The following ZNF154 variants were observed in gnomAD, a reference collection of about 807,000 sequenced individuals.
ZNF154 encodes the protein zinc finger protein 154 (pHZ-92).
In ZNF154, 6 loss-of-function variants were observed where a neutral mutation model predicts 7.5. The ratio of observed to expected loss-of-function variants is 0.80; its 90% CI spans 0.44 to 1.57. ZNF154 has a LOEUF of 1.57. Ranked by LOEUF, ZNF154 falls within the 40% of genes most tolerant of loss-of-function variation. The pLI is 0.01. For synonymous variants in ZNF154, 187 were observed against 185.9 expected (o/e 1.01, Z -0.05); for missense variants, 485 against 531.4 (o/e 0.91, Z 0.86).
In ZNF154 at chr19:57,701,788, G is replaced by C. The variant is rs776822065; in HGVS notation, c.1161C>G (p.Cys387Trp). 24 of 1,613,946 alleles carry C rather than the reference G, an allele frequency of 1.5e-5. No individual in the cohort carries two copies. The highest frequency in any genetic ancestry group is 1.8e-5 in the Non-Finnish European group (21 of 1,180,010). ...GAGTAAAGGATTTCCCACATTCACT[G>C]CACTCATAGGGTCTTGATCCAGTGT... ...RVHTGSRPYE[C>W]SECGKSFTQN... The change falls in exon 3 of 3, where the codon TGC (cysteine) becomes TGG (tryptophan). Residue 387 changes from cysteine (C) to tryptophan (W), a missense_variant. Coordinates refer to ENST00000684351, the MANE Select transcript of ZNF154 (RefSeq NM_001085384.3).
In ZNF154 at chr19:57,702,511, G is replaced by C. The variant is rs905704257; in HGVS notation, c.438C>G (p.His146Gln). The C allele has an allele frequency of 6.2e-7, 1 of 1,614,106 alleles. No homozygotes were observed. Among genetic ancestry groups the C allele is most frequent in the African/African-American group, 1.3e-5 (1 of 74,918 alleles). The change falls in exon 3 of 3, where the codon CAC becomes CAG. Residue 146 changes from histidine to glutamine, a missense_variant. Physicochemically the swap from His to Gln is conservative, Grantham distance 24. Coordinates refer to ENST00000684351, the MANE Select transcript of ZNF154 (RefSeq NM_001085384.3). ...GGGTTCTCTGCTGCTGAACAAGTGT[G>C]TGTTTACCGCTGAATGCTTTTGTGT... ...GEHTKAFSGK[H>Q]TLVQQQRTLT...
In ZNF154 at chr19:57,701,237, C is replaced by T; in HGVS notation, c.*398G>A. 5.2e-6 allele frequency: 1 copy of T among 193,718 alleles called. No homozygotes were observed. Among genetic ancestry groups the T allele is most frequent in the Non-Finnish European group, 1.1e-5 (1 of 92,878 alleles). The allele number at this position is 193,718 out of a possible 1,614,324, so 12.0% of individuals were successfully genotyped here. ...TGAACAGAACACCAAGGTTCACTTA[C>T]CTGAATACACTGGGATGGGTGAGTG... On this transcript the variant is annotated 3_prime_UTR_variant, in exon 3 of 3. Transcript: ENST00000684351.
In ZNF154 at chr19:57,708,963, C is replaced by G; in HGVS notation, c.9G>C (p.Ala3=). 2 of 1,560,258 alleles carry G rather than the reference C, an allele frequency of 1.3e-6. No individual in the cohort carries two copies. The highest frequency in any genetic ancestry group is 1.7e-6 in the Non-Finnish European group (2 of 1,152,736). ...CCTGAGTTGGCGTCCTCAGAGTGGC[C>G]GCTGCCATCAGACTCTGCGGGTAGA... The part of the protein sequence containing the change: MA[A]ATLRTPTQGT... The change falls in exon 1 of 3, where the codon GCG becomes GCC. Residue 3 remains alanine (A), a synonymous_variant. Transcript: ENST00000684351.
intron 1 of ZNF154, among the ~76,000 whole-genome samples, chr19:57,707,113 C>CAAAAAAAAAAAAAAAAAAAA (rs1282058157): frequency 6.4e-5 from 6 of 94,252 alleles, no homozygotes; most frequent in Non-Finnish European, 6.3e-5. Flanking sequence ...CACTCCATCT[C>CAAAAAAAAAAAAAAAAAAAA]AAAAAAAAAA....
At position 57,699,428 on chromosome 19, in the gene ZNF154, G is replaced by C. The variant is rs1189306967; in HGVS notation, c.*2207C>G. The stretch of plus-strand genomic sequence containing the variant: ...GTTCCCAATGGGTCGTAAAGCAGCA[G>C]AGACAACTCACGATATAAACACATT... On this transcript the variant is annotated 3_prime_UTR_variant, in exon 3 of 3. Transcript: ENST00000684351. 3.2e-6 allele frequency: 1 copy of C among 312,212 alleles called. No homozygotes were observed. Among genetic ancestry groups the C allele is most frequent in the East Asian group, 9.7e-5 (1 of 10,296 alleles). 19.3% of individuals were successfully genotyped at this position (312,212 alleles called of 1,614,324 possible).
At position 57,700,937 on chromosome 19, in the gene ZNF154, C is replaced by G. The variant is rs757277645; in HGVS notation, c.*698G>C. 1 of 152,228 alleles carries G rather than the reference C, an allele frequency of 6.6e-6. No individual in the cohort carries two copies. Among genetic ancestry groups the G allele is most frequent in the Non-Finnish European group, 1.5e-5 (1 of 68,146 alleles). 9.4% of individuals were successfully genotyped at this position (152,228 alleles called of 1,614,324 possible). On this transcript the variant is annotated 3_prime_UTR_variant, in exon 3 of 3. Transcript: ENST00000684351. ...AGAACCCAACTGTTTTCAAACCAACCCATACATATAGAACCCCCAAGATTA... is the reference window on the plus strand; with the variant it reads ...AGAACCCAACTGTTTTCAAACCAACGCATACATATAGAACCCCCAAGATTA...
At position 57,697,871 on chromosome 19, in the gene ZNF154, A is replaced by C. The variant is rs1438391002; in HGVS notation, c.*3764T>G. On this transcript the variant is annotated 3_prime_UTR_variant, in exon 3 of 3. Transcript: ENST00000684351. ...AACAGGAGACAAAATATGTCATTGT[A>C]CCAGTAATTTTACACAATGAAAATT... The C allele has an allele frequency of 6.6e-6, 1 of 152,178 alleles. No individual in the cohort carries two copies. Among genetic ancestry groups the C allele is most frequent in the African/African-American group, 2.4e-5 (1 of 41,442 alleles). 9.4% of individuals were successfully genotyped at this position (152,178 alleles called of 1,614,324 possible). A position where few individuals can be genotyped will look rare whatever the true frequency, so the allele number is the denominator to read the frequency against.
At chr19:57,708,166 T>C (rs1343574489) in intron 1 of ZNF154, among the ~76,000 whole-genome samples, 1 of 152,162 alleles carries the variant, frequency 6.6e-6, no homozygotes, top group Non-Finnish European at 1.5e-5. Flanking sequence ...TGCTGTCACC[T>C]CTTGCCAACT....
chr19:57,709,163 G>A lies in ZNF154; in HGVS notation c.-192C>T. ...CCCAACTCGGCGCTCTGCTATCTCT[G>A]ATCCGGTGAACACACCTCAGAGAAG... On this transcript the variant is annotated 5_prime_UTR_variant, in exon 1 of 3. Coordinates refer to ENST00000684351, the MANE Select transcript of ZNF154 (RefSeq NM_001085384.3). The A allele has an allele frequency of 1.4e-6, 1 of 698,230 alleles. No homozygotes were observed. The highest frequency in any genetic ancestry group is 2.4e-6 in the Non-Finnish European group (1 of 413,940). 43.3% of individuals were successfully genotyped at this position (698,230 alleles called of 1,614,324 possible).
At chr19:57,706,302 C>T (rs1985386864) in intron 1 of ZNF154, among the ~76,000 whole-genome samples, 1 of 152,198 alleles carries the variant, frequency 6.6e-6, no homozygotes, top group Non-Finnish European at 1.5e-5. Context: ...TTAGGCCACA[C>T]AGAACCACAT....
intron 2 of ZNF154, among the ~76,000 whole-genome samples, chr19:57,703,688 T>C (rs749001789): frequency 2.6e-5 from 4 of 152,094 alleles, no homozygotes; most frequent in Non-Finnish European, 5.9e-5. Flanking sequence ...ACGACTGCAA[T>C]GCAGCAGCTG....
Position 57,708,997 on chromosome 19 carries a change from G to A in ZNF154, c.-26C>T, listed in dbSNP as rs1001641586. 3.2e-6 allele frequency: 5 copies of A among 1,553,770 alleles called. No individual in the cohort carries two copies. In the Admixed American group the frequency reaches 5.8e-5, roughly 18 times the overall value. ...CAGACTCTGCGGGTAGAGCTGGGCC[G>A]GGAGCGACGGGCGACATTGGTAGGG... On this transcript the variant is annotated 5_prime_UTR_variant, in exon 1 of 3. Coordinates refer to ENST00000684351, the MANE Select transcript of ZNF154 (RefSeq NM_001085384.3).
At chr19:57,708,641 C>T (rs891747163) in intron 1 of ZNF154, among the ~76,000 whole-genome samples, 7 of 152,294 alleles carry the variant, frequency 4.6e-5, no homozygotes, top group Admixed American at 4.6e-4. Context: ...TTCTAGCATC[C>T]TCACAATGAC....
rs999439285 is a variant in ZNF154, at chr19:57,697,601, TG to T, written c.*4033del. 2 of 152,186 alleles carry T rather than the reference TG, an allele frequency of 1.3e-5. No individual in the cohort carries two copies. The highest frequency in any genetic ancestry group is 2.9e-5 in the Non-Finnish European group (2 of 68,028). 9.4% of individuals were successfully genotyped at this position (152,186 alleles called of 1,614,324 possible). The stretch of plus-strand genomic sequence containing the variant: ...TTTAAAATATATTTGTGTGATTTTT[TG>T]GGGGGTTATAAAAGAGCCTTTACAT... On this transcript the variant is annotated 3_prime_UTR_variant, in exon 3 of 3. Transcript: ENST00000684351.
In ZNF154 at chr19:57,698,019, A is replaced by C. The variant is rs1600029135; in HGVS notation, c.*3616T>G. On this transcript the variant is annotated 3_prime_UTR_variant, in exon 3 of 3. Transcript: ENST00000684351. ...AGCACTTTAAGTTCCATTATACCTC[A>C]AACTACTTTAAAAAACTACTCAAAA... 2.6e-5 allele frequency: 4 copies of C among 152,314 alleles called. No homozygotes were observed. The South Asian group carries it at 8.3e-4, about 32-fold the overall frequency. The allele number at this position is 152,314 out of a possible 1,614,324, so 9.4% of individuals were successfully genotyped here.
chr19:57,703,002 C>CA (rs1447253836), intron 2 of ZNF154, among the ~76,000 whole-genome samples: 5 of 152,180 alleles, frequency 3.3e-5, no homozygotes, highest in Admixed American at 6.5e-5. Context: ...GGTGCCTCCT[C>CA]ATCCACCACT....
rs1037979682 is a variant in ZNF154 at position 57,697,132 on chromosome 19, C to T, written c.*4503G>A. Reference sequence around the variant, plus strand: ...TGAAGGAGTGAGGCTTTTTTCTTACCTTGCAATTTCTTAGTGGATTGTCTG... The same window carrying T: ...TGAAGGAGTGAGGCTTTTTTCTTACTTTGCAATTTCTTAGTGGATTGTCTG... On this transcript the variant is annotated 3_prime_UTR_variant, in exon 3 of 3. Transcript: ENST00000684351. 6.6e-6 allele frequency among the ~76,000 whole-genome samples: 1 copy of T among 152,154 alleles called. No homozygotes were observed. Among genetic ancestry groups the T allele is most frequent in the East Asian group, 1.9e-4 (1 of 5,198 alleles).
intron 1 of ZNF154, among the ~76,000 whole-genome samples, chr19:57,706,970 G>C (rs758011547): frequency 6.6e-6 from 1 of 152,100 alleles, no homozygotes; most frequent in East Asian, 1.9e-4. Flanking sequence ...AAAATTAGCC[G>C]GGCGTGGTGG....
At position 57,696,586 on chromosome 19, in the gene ZNF154, G is replaced by A. The variant is rs1360528713; in HGVS notation, c.*5049C>T. 6.6e-6 allele frequency among the ~76,000 whole-genome samples: 1 copy of A among 152,176 alleles called. No individual in the cohort carries two copies. Among genetic ancestry groups the A allele is most frequent in the Non-Finnish European group, 1.5e-5 (1 of 68,030 alleles). On this transcript the variant is annotated 3_prime_UTR_variant, in exon 3 of 3. Transcript: ENST00000684351. ...GGAGCAGAGGGCCTGGGGCAGCCAG[G>A]CACCGGAAGTGCTGCAAGCACCAAG...
Sources: allele counts gnomAD v4.1 joint callset (sites outside exome capture counted in the v4.1 genomes callset), GRCh38; gene constraint gnomAD v4.1.1; transcripts MANE v1.5; gene names NCBI Gene and HGNC (gene_info 2026-07-23, HGNC 2026-07-21).